ST6GALNAC3: variants seen among roughly 807,000 people sequenced by gnomAD.
ST6GALNAC3 encodes ST6 N-acetylgalactosaminide alpha-2,6-sialyltransferase 3.
ST6GALNAC3 carries 25 observed loss-of-function variants against 32.7 expected under a neutral mutation model. The ratio of observed to expected loss-of-function variants is 0.76; its 90% CI spans 0.56 to 1.07. The LOEUF (loss-of-function observed/expected upper bound fraction) is 1.07. ST6GALNAC3 is among the 50% of genes least tolerant of loss of function. The pLI is 0.00. For synonymous variants in ST6GALNAC3, 129 were observed against 133.1 expected (o/e 0.97, Z 0.21); for missense variants, 355 against 382.4 (o/e 0.93, Z 0.60).
At chr1:76,607,885 T>C (rs1346188258) in intron 3 of ST6GALNAC3, among the ~76,000 whole-genome samples, 1 of 152,196 alleles carries the variant, frequency 6.6e-6, no homozygotes, top group Non-Finnish European at 1.5e-5. Context: ...TATGGCCCCA[T>C]GATTGCCCCA....
intron 3 of ST6GALNAC3, among the ~76,000 whole-genome samples, chr1:76,440,736 T>G (rs531081414): frequency 9.2e-5 from 14 of 152,234 alleles, no homozygotes; most frequent in African/African-American, 2.9e-4. Flanking sequence ...CTGGCAATAA[T>G]TGGGCAAAGA....
intron 1 of ST6GALNAC3, among the ~76,000 whole-genome samples, chr1:76,258,862 A>G (rs567101523): frequency 2.2e-4 from 33 of 152,332 alleles, no homozygotes; most frequent in Middle Eastern, 3.4e-3. Flanking sequence ...GTTACATGGC[A>G]GACCTAAAAA....
intron 3 of ST6GALNAC3, chr1:76,576,870 T>A (rs1483903524): frequency 7.7e-7 from 1 of 1,304,774 alleles, no homozygotes; most frequent in Non-Finnish European, 1.0e-6. Context: ...GCAGTGTTGA[T>A]TGATCGAACA....
chr1:76,135,683 G>A (rs747061219), intron 1 of ST6GALNAC3, among the ~76,000 whole-genome samples: 1 of 152,030 alleles, frequency 6.6e-6, no homozygotes, highest in Non-Finnish European at 1.5e-5. Context: ...TCAGGTGAGG[G>A]GCCCCATAGT....
rs115516712 is a variant in ST6GALNAC3 at position 76,185,041 on chromosome 1, A to G, written c.18+110157A>G. On this transcript the variant is annotated intron_variant, in intron 1 of 4. Coordinates refer to ENST00000328299, the MANE Select transcript of ST6GALNAC3 (RefSeq NM_152996.4). ...GTAGCACATTTTTTTTAATCCTCGC[A>G]CAACCCTGTGAATCCATATTGCTTT... Among the ~76,000 whole-genome samples, 31 of 152,232 alleles carry G rather than the reference A, an allele frequency of 2.0e-4. 1 individual carries two copies. Among genetic ancestry groups the G allele is most frequent in the African/African-American group, 7.2e-4 (30 of 41,556 alleles).
At chr1:76,155,457 C>T (rs1485474645) in intron 1 of ST6GALNAC3, among the ~76,000 whole-genome samples, 2 of 152,080 alleles carry the variant, frequency 1.3e-5, no homozygotes, top group Non-Finnish European at 2.9e-5. Context: ...CCCCCACTTT[C>T]TCCTTTTTTT....
intron 2 of ST6GALNAC3, among the ~76,000 whole-genome samples, chr1:76,349,433 C>T (rs1648795000): frequency 6.6e-6 from 1 of 152,146 alleles, no homozygotes; most frequent in Non-Finnish European, 1.5e-5. Flanking sequence ...CTTCTCTCTT[C>T]TTGTTGCCTC....
chr1:76,244,703 T>A (rs767792218), intron 1 of ST6GALNAC3, among the ~76,000 whole-genome samples: 1 of 152,212 alleles, frequency 6.6e-6, no homozygotes, highest in Non-Finnish European at 1.5e-5. Flanking sequence ...GAGATAATCA[T>A]GTGGTTTTTG....
At chr1:76,499,373 A>G (rs1661047118) in intron 3 of ST6GALNAC3, among the ~76,000 whole-genome samples, 1 of 152,228 alleles carries the variant, frequency 6.6e-6, no homozygotes, top group African/African-American at 2.4e-5. Flanking sequence ...TCCTGGAGTT[A>G]CAGGATAAAG....
At chr1:76,524,952 A>T (rs1055501851) in intron 3 of ST6GALNAC3, among the ~76,000 whole-genome samples, 20 of 152,146 alleles carry the variant, frequency 1.3e-4, no homozygotes, top group Non-Finnish European at 1.5e-5. Flanking sequence ...AAAAGAAAAA[A>T]ATCCCACATG....
At chr1:76,387,358 G>A (rs991537291) in intron 2 of ST6GALNAC3, among the ~76,000 whole-genome samples, 6 of 152,010 alleles carry the variant, frequency 3.9e-5, no homozygotes, top group African/African-American at 1.4e-4. Flanking sequence ...TTACATATTT[G>A]CCAAATGAAG....
At chr1:76,423,971 G>A (rs1192744659) in intron 3 of ST6GALNAC3, among the ~76,000 whole-genome samples, 1 of 151,894 alleles carries the variant, frequency 6.6e-6, no homozygotes, top group Non-Finnish European at 1.5e-5. Context: ...TGAAATGAGT[G>A]TCCTACACTA....
chr1:76,140,257 G>A (rs1650230279), intron 1 of ST6GALNAC3, among the ~76,000 whole-genome samples: 1 of 152,146 alleles, frequency 6.6e-6, no homozygotes, highest in African/African-American at 2.4e-5. Context: ...CTGCCTGTTT[G>A]ACATTTACAA....
chr1:76,617,853 TGAAG>T (rs1434575830), intron 3 of ST6GALNAC3, among the ~76,000 whole-genome samples: 6 of 152,212 alleles, frequency 3.9e-5, no homozygotes. Flanking sequence ...GCCTAAAGAA[TGAAG>T]GAGATTCCAG....
At chr1:76,594,251 C>T (rs1647094650) in intron 3 of ST6GALNAC3, among the ~76,000 whole-genome samples, 1 of 152,050 alleles carries the variant, frequency 6.6e-6, no homozygotes, top group Admixed American at 6.6e-5. Context: ...TTTTTAGAGA[C>T]ATAGCAGTCT....
chr1:76,214,120 G>A (rs914855718), intron 1 of ST6GALNAC3, among the ~76,000 whole-genome samples: 16 of 151,918 alleles, frequency 1.1e-4, no homozygotes, highest in African/African-American at 2.4e-4. Context: ...CTCCCTAGCC[G>A]CACAGCCCAA....
chr1:76,411,998 T>A lies in ST6GALNAC3; in HGVS notation c.214-10T>A. 6.2e-7 allele frequency: 1 copy of A among 1,604,458 alleles called. No homozygotes were observed. The highest frequency in any genetic ancestry group is 8.5e-7 in the Non-Finnish European group (1 of 1,174,548). ...TACTAATTTACATGCCTTCTTTCTC[T>A]ATTTTTCAGCCTTTGCAACTGGACT... On this transcript the variant is annotated splice_polypyrimidine_tract_variant and intron_variant, in intron 2 of 4. Coordinates refer to ENST00000328299, the MANE Select transcript of ST6GALNAC3 (RefSeq NM_152996.4).
At chr1:76,537,470 G>A (rs1663685770) in intron 3 of ST6GALNAC3, among the ~76,000 whole-genome samples, 1 of 152,070 alleles carries the variant, frequency 6.6e-6, no homozygotes, top group African/African-American at 2.4e-5. Context: ...ACTAAGATCA[G>A]AGCAGAATTG....
chr1:76,460,481 C>G (rs1270273379), intron 3 of ST6GALNAC3, among the ~76,000 whole-genome samples: 1 of 152,170 alleles, frequency 6.6e-6, no homozygotes, highest in Non-Finnish European at 1.5e-5. Flanking sequence ...CTTACCCTTT[C>G]TTTTCCTTTG....
Sources: gnomAD v4.1 joint callset for allele counts (sites outside exome capture counted in the v4.1 genomes callset) on GRCh38, gnomAD v4.1.1 for gene constraint, MANE v1.5 for transcripts, NCBI Gene and HGNC (gene_info 2026-07-23, HGNC 2026-07-21) for gene names.